BTAF1: variants seen among roughly 807,000 people sequenced by gnomAD.
The protein encoded by BTAF1 is B-TFIID TATA-box binding protein associated factor 1.
BTAF1 carries 38 observed loss-of-function variants against 227.1 expected under a neutral mutation model. The ratio of observed to expected loss-of-function variants is 0.17; its 90% CI spans 0.13 to 0.22. BTAF1 has a LOEUF of 0.22. BTAF1 is among the 10% of genes least tolerant of loss of function. The pLI is 1.00. For synonymous variants in BTAF1, 742 were observed against 751.9 expected (o/e 0.99, Z 0.21); for missense variants, 1,598 against 2,204.0 (o/e 0.73, Z 5.51).
At chr10:91,994,851 C>A (rs1223172323) in intron 23 of BTAF1, among the ~76,000 whole-genome samples, 1 of 152,146 alleles carries the variant, frequency 6.6e-6, no homozygotes, top group Non-Finnish European at 1.5e-5. Context: ...AATAGAAAAC[C>A]CAACCTGGAA....
intron 11 of BTAF1, among the ~76,000 whole-genome samples, chr10:91,962,000 T>G (rs1414110857): frequency 6.6e-6 from 1 of 152,216 alleles, no homozygotes; most frequent in Non-Finnish European, 1.5e-5. Context: ...ATGTTTTATG[T>G]CTCATTGAAT....
intron 1 of BTAF1, 85 bp downstream of exon 1, chr10:91,924,175 G>A: frequency 6.5e-7 from 1 of 1,540,736 alleles, no homozygotes; most frequent in Non-Finnish European, 8.8e-7. Flanking sequence ...CTAGAGAAGA[G>A]CGGTTCTCAT....
intron 13 of BTAF1, among the ~76,000 whole-genome samples, chr10:91,966,314 A>T (rs1846908075): frequency 6.6e-6 from 1 of 152,192 alleles, no homozygotes; most frequent in East Asian, 1.9e-4. Flanking sequence ...TACATGTCCC[A>T]TTTTCCTAAG....
intron 13 of BTAF1, among the ~76,000 whole-genome samples, chr10:91,964,846 A>G (rs1268070206): frequency 6.6e-6 from 1 of 152,140 alleles, no homozygotes; most frequent in Non-Finnish European, 1.5e-5. Flanking sequence ...AAGTGTCCTT[A>G]GAGATAGAGA....
intron 1 of BTAF1, among the ~76,000 whole-genome samples, chr10:91,930,160 A>G (rs1257370209): frequency 6.6e-6 from 1 of 152,166 alleles, no homozygotes. Flanking sequence ...TTAATACATA[A>G]TATGTATTAA....
chr10:92,008,791 T>G, intron 26 of BTAF1, 38 bp from the exon 27 acceptor site: 1 of 1,507,598 alleles, frequency 6.6e-7, no homozygotes, highest in Non-Finnish European at 8.9e-7. Context: ...AAAATAAATT[T>G]ATGATGTATT....
chr10:91,973,499 A>G (rs952415391), intron 14 of BTAF1, among the ~76,000 whole-genome samples: 1 of 152,128 alleles, frequency 6.6e-6, no homozygotes, highest in Non-Finnish European at 1.5e-5. Context: ...TGATAATAAT[A>G]ATCTAAGCTG....
chr10:92,016,172 T>C (rs1850708316), intron 32 of BTAF1, among the ~76,000 whole-genome samples, 168 bp from the exon 33 acceptor site: 1 of 152,248 alleles, frequency 6.6e-6, no homozygotes, highest in African/African-American at 2.4e-5. Context: ...TTTACCAAGA[T>C]GGAGTGGATA....
Position 91,982,598 on chromosome 10 carries a change from C to T in BTAF1, c.2060C>T (p.Ala687Val), listed in dbSNP as rs1848146347. Residue 687 changes from alanine (A) to valine (V), a missense_variant, in exon 18 of 38, where the codon GCA becomes GTA. This residue lies in a region of BTAF1 where 318 missense variants were observed against 435.0 expected (regional missense o/e 0.73). Transcript: ENST00000265990. ...ARMMAAKLLGALCCCICDPGV... is the reference protein window; with the variant it reads ...ARMMAAKLLGVLCCCICDPGV... The stretch of plus-strand genomic sequence containing the variant: ...TTTCTCCCTCTTAGGTTGTTAGGAG[C>T]ACTTTGTTGCTGTATTTGTGATCCA... 1 of 1,612,652 alleles carries T rather than the reference C, an allele frequency of 6.2e-7. No homozygotes were observed. Among genetic ancestry groups the T allele is most frequent in the African/African-American group, 1.3e-5 (1 of 74,920 alleles).
Position 92,027,283 on chromosome 10 carries a change from C to A in BTAF1, c.5389C>A (p.Leu1797Met). 1.2e-6 allele frequency: 2 copies of A among 1,607,868 alleles called. No individual in the cohort carries two copies. The highest frequency in any genetic ancestry group is 1.1e-5 in the South Asian group (1 of 89,540). The part of the protein sequence containing the change: ...QSMGTDQLLD[L>M]FTLDKDGKAE... ...CATGGGGACTGATCAGCTTCTTGATCTGTTTACTCTTGATAAGGTAAAGAA... is the reference window on the plus strand; with the variant it reads ...CATGGGGACTGATCAGCTTCTTGATATGTTTACTCTTGATAAGGTAAAGAA... The change falls in exon 37 of 38, where the codon CTG becomes ATG. Residue 1797 changes from leucine (L) to methionine (M), a missense_variant. Transcript: ENST00000265990.
chr10:91,949,066 T>C (rs1845575893), intron 4 of BTAF1, among the ~76,000 whole-genome samples: 1 of 152,210 alleles, frequency 6.6e-6, no homozygotes, highest in Non-Finnish European at 1.5e-5. Flanking sequence ...ATCCTAGCAC[T>C]TTGGGAGGCC....
chr10:91,940,294 T>A (rs1161827031), intron 3 of BTAF1, among the ~76,000 whole-genome samples: 1 of 152,128 alleles, frequency 6.6e-6, no homozygotes, highest in African/African-American at 2.4e-5. Flanking sequence ...TTACAAATTC[T>A]ACAGTATGCT....
At chr10:91,997,967 G>T (rs1052760349) in intron 25 of BTAF1, among the ~76,000 whole-genome samples, 2 of 151,482 alleles carry the variant, frequency 1.3e-5, no homozygotes, top group Non-Finnish European at 2.9e-5. Context: ...ACAAAAAAAA[G>T]ACAAAAACAG....
intron 4 of BTAF1, among the ~76,000 whole-genome samples, chr10:91,948,019 A>ATTATCTTTTTTTTATTATCTTTTTT (rs1299191299): frequency 1.3e-5 from 2 of 149,554 alleles, no homozygotes; most frequent in African/African-American, 4.9e-5. Flanking sequence ...TCTTTTTTTT[A>ATTATCTTTTTTTTATTATCTTTTTT]TTATTATACT....
At chr10:91,927,622 A>T (rs555765692) in intron 1 of BTAF1, among the ~76,000 whole-genome samples, 7 of 148,052 alleles carry the variant, frequency 4.7e-5, no homozygotes, top group Middle Eastern at 3.5e-3. Flanking sequence ...CAGTACATTT[A>T]AAAAAAAAAT....
In BTAF1 at chr10:91,993,839, A is replaced by G; in HGVS notation, c.3191A>G (p.Asn1064Ser). 3.1e-6 allele frequency: 5 copies of G among 1,592,576 alleles called. No individual in the cohort carries two copies. Among genetic ancestry groups the G allele is most frequent in the Non-Finnish European group, 4.3e-6 (5 of 1,168,236 alleles). Residue 1064 changes from asparagine (N) to serine (S), a missense_variant, in exon 22 of 38, where the codon AAT becomes AGT. Coordinates refer to ENST00000265990, the MANE Select transcript of BTAF1 (RefSeq NM_003972.3). ...CCATTGAGGAATACAATCGACATAA[A>G]TAATTTTGGTATACACATATTTTTA... Reference protein sequence around the residue: ...VGPLRNTIDINNFDGKSLLDK... With the variant: ...VGPLRNTIDISNFDGKSLLDK...
At chr10:91,979,226 G>A (rs947225663) in intron 14 of BTAF1, among the ~76,000 whole-genome samples, 1 of 152,102 alleles carries the variant, frequency 6.6e-6, no homozygotes, top group African/African-American at 2.4e-5. Context: ...TACTGTTGAT[G>A]GGCATTTAGG....
intron 25 of BTAF1, among the ~76,000 whole-genome samples, chr10:92,002,474 A>T (rs1348294852): frequency 6.6e-6 from 1 of 152,166 alleles, no homozygotes; most frequent in South Asian, 2.1e-4. Context: ...TTAGGGTTTC[A>T]TTGTTAGGGA....
At chr10:91,982,423 T>G in intron 17 of BTAF1, 164 bp from the exon 18 acceptor site, 1 of 1,063,660 alleles carries the variant, frequency 9.4e-7, no homozygotes, top group South Asian at 1.8e-5. Flanking sequence ...TATATCTTCT[T>G]ATGAAGACAA....
Sources: allele counts gnomAD v4.1 joint callset (sites outside exome capture counted in the v4.1 genomes callset), GRCh38; gene constraint gnomAD v4.1.1; regional missense constraint gnomAD v4.1.1; transcripts MANE v1.5; gene names NCBI Gene and HGNC (gene_info 2026-07-23, HGNC 2026-07-21).